SCAPER: variants seen among roughly 807,000 people sequenced by gnomAD.
SCAPER encodes the protein S-phase cyclin A associated protein in the ER, also known as S phase cyclin A-associated protein in the endoplasmic reticulum.
Under a neutral mutation model 182.2 loss-of-function variants are expected in SCAPER, and 98 were observed. The observed-to-expected ratio is 0.54, with a 90% CI of 0.46 to 0.64. The LOEUF (loss-of-function observed/expected upper bound fraction) is 0.64. Ranked by LOEUF, SCAPER falls within the 30% of genes least tolerant of loss-of-function variation. The pLI is 0.00. For synonymous variants in SCAPER, 605 were observed against 564.6 expected (o/e 1.07, Z -1.01); for missense variants, 1,432 against 1,690.0 (o/e 0.85, Z 2.68).
chr15:76,570,671 T>G (rs142544481), intron 23 of SCAPER, among the ~76,000 whole-genome samples: 20 of 152,148 alleles, frequency 1.3e-4, no homozygotes. Flanking sequence ...TTCTGCTTAC[T>G]TATCATGACT....
At chr15:76,809,085 A>G (rs777225029) in intron 5 of SCAPER, among the ~76,000 whole-genome samples, 14 of 152,210 alleles carry the variant, frequency 9.2e-5, no homozygotes, top group Non-Finnish European at 4.4e-5. Flanking sequence ...AGTTTAGATC[A>G]GCACAAAGGT....
In SCAPER at chr15:76,835,072, T is replaced by C. The variant is rs913152192; in HGVS notation, c.393+6662A>G. ...GGCTCCTAGAACTGATAAATGAAAC[T>C]TCATTAAAGTTTCAGAATACAAAAT... On this transcript the variant is annotated intron_variant, in intron 5 of 31. Coordinates refer to ENST00000563290, the MANE Select transcript of SCAPER (RefSeq NM_020843.4). 3.3e-5 allele frequency among the ~76,000 whole-genome samples: 5 copies of C among 151,964 alleles called. No homozygotes were observed. The South Asian group carries it at 8.3e-4, about 25-fold the overall frequency.
chr15:76,568,934 C>T (rs1011456931), intron 23 of SCAPER, among the ~76,000 whole-genome samples: 2 of 151,782 alleles, frequency 1.3e-5, no homozygotes, highest in African/African-American at 4.8e-5. Context: ...TTGTCTAGTA[C>T]CCTTGTTAAT....
intron 21 of SCAPER, among the ~76,000 whole-genome samples, chr15:76,628,258 C>T (rs1210640516): frequency 1.3e-5 from 2 of 152,176 alleles, no homozygotes; most frequent in African/African-American, 4.8e-5. Flanking sequence ...GTTTCTTTTG[C>T]TGTGCAGAGG....
chr15:76,793,509 T>C (rs914828513), intron 8 of SCAPER: 4 of 464,244 alleles, frequency 8.6e-6, no homozygotes, highest in Non-Finnish European at 1.5e-5. Flanking sequence ...GTTTAATCAA[T>C]CATGCCTAGA....
intron 22 of SCAPER, among the ~76,000 whole-genome samples, chr15:76,581,003 G>C (rs1479041070): frequency 1.3e-5 from 2 of 152,100 alleles, no homozygotes; most frequent in African/African-American, 4.8e-5. Context: ...AGGATCATTA[G>C]AGGCTACCAT....
chr15:76,543,799 G>A (rs953095237), intron 23 of SCAPER, among the ~76,000 whole-genome samples: 5 of 152,098 alleles, frequency 3.3e-5, no homozygotes. Flanking sequence ...TCTTAGATAT[G>A]ACACCAAAAC....
chr15:76,375,943 C>A (rs2042535453), intron 29 of SCAPER, among the ~76,000 whole-genome samples: 1 of 152,182 alleles, frequency 6.6e-6, no homozygotes, highest in African/African-American at 2.4e-5. Flanking sequence ...CGAGATTGCA[C>A]CACTGCATTC....
At chr15:76,400,915 T>C (rs946008994) in intron 27 of SCAPER, among the ~76,000 whole-genome samples, 1 of 151,504 alleles carries the variant, frequency 6.6e-6, no homozygotes, top group South Asian at 2.1e-4. Flanking sequence ...AATTATATAG[T>C]AATTAAAAAT....
Position 76,684,488 on chromosome 15 carries a change from AT to A in SCAPER, c.2508+17269del, listed in dbSNP as rs1429565484. 2.0e-5 allele frequency among the ~76,000 whole-genome samples: 3 copies of A among 152,142 alleles called. No individual in the cohort carries two copies. The East Asian group carries it at 5.8e-4, about 29-fold the overall frequency. On this transcript the variant is annotated intron_variant, in intron 20 of 31. Transcript: ENST00000563290. The stretch of plus-strand genomic sequence containing the variant: ...ATTCAACTATTACATACCCATAGTA[AT>A]TGAAAATTTAAAAATTAAATAAATT...
In SCAPER at chr15:76,821,192, T is replaced by C. The variant is rs190007636; in HGVS notation, c.394-16559A>G. Among the ~76,000 whole-genome samples the C allele has an allele frequency of 1.5e-3, 223 of 152,352 alleles. 1 individual carries two copies. The highest frequency in any genetic ancestry group is 3.7e-3 in the Admixed American group (56 of 15,310). ...GCTGCACACAGCTGTGTATAGCAGC[T>C]TTATTCATAATTGACAAAACTTGGA... On this transcript the variant is annotated intron_variant, in intron 5 of 31. Transcript: ENST00000563290.
intron 27 of SCAPER, among the ~76,000 whole-genome samples, chr15:76,399,022 T>C (rs929313741): frequency 2.0e-5 from 3 of 152,226 alleles, no homozygotes; most frequent in Non-Finnish European, 4.4e-5. Context: ...GGGGACCCAA[T>C]GAGCCTCAAC....
chr15:76,748,076 C>T (rs1279444215), intron 15 of SCAPER, among the ~76,000 whole-genome samples: 6 of 151,556 alleles, frequency 4.0e-5, no homozygotes, highest in South Asian at 2.1e-4. Flanking sequence ...CAGCAACCTC[C>T]GCCTCCCGGG....
chr15:76,530,352 A>G (rs939054630), intron 23 of SCAPER, among the ~76,000 whole-genome samples: 1 of 152,204 alleles, frequency 6.6e-6, no homozygotes, highest in African/African-American at 2.4e-5. Context: ...TGAGCAGATG[A>G]ATCCAGCTAT....
intron 20 of SCAPER, among the ~76,000 whole-genome samples, chr15:76,673,949 C>CTA (rs202177132): frequency 5.0e-5 from 4 of 80,756 alleles, no homozygotes; most frequent in African/African-American, 1.8e-4. Flanking sequence ...CATAATTTAT[C>CTA]TATACACACA....
intron 10 of SCAPER, among the ~76,000 whole-genome samples, chr15:76,768,429 A>C (rs1051227539): frequency 2.6e-5 from 4 of 152,222 alleles, no homozygotes; most frequent in Non-Finnish European, 5.9e-5. Context: ...ATATGCTAAG[A>C]AGTCAGTCAC....
chr15:76,751,272 A>C (rs2151178988), intron 15 of SCAPER, among the ~76,000 whole-genome samples: 1 of 151,914 alleles, frequency 6.6e-6, no homozygotes, highest in South Asian at 2.1e-4. Context: ...ATAAACCAGA[A>C]CACTTAATAT....
chr15:76,658,058 T>C (rs1308923816), intron 21 of SCAPER, among the ~76,000 whole-genome samples: 1 of 152,076 alleles, frequency 6.6e-6, no homozygotes, highest in African/African-American at 2.4e-5. Context: ...CTGGAAATCC[T>C]AACCAGAGCA....
chr15:76,748,626 TACAAG>T (rs1243380895), intron 15 of SCAPER, among the ~76,000 whole-genome samples: 1 of 150,372 alleles, frequency 6.7e-6, no homozygotes, highest in Non-Finnish European at 1.5e-5. Flanking sequence ...ATCCAGAACA[TACAAG>T]GAACTCGTAT....
Sources: gnomAD v4.1 joint callset for allele counts (sites outside exome capture counted in the v4.1 genomes callset) on GRCh38, gnomAD v4.1.1 for gene constraint, MANE v1.5 for transcripts, NCBI Gene and HGNC (gene_info 2026-07-23, HGNC 2026-07-21) for gene names.